DLC1: variants seen among roughly 807,000 people sequenced by gnomAD.
The protein encoded by DLC1 is DLC1 Rho GTPase activating protein, also known as rho GTPase-activating protein 7.
Under a neutral mutation model 140.3 loss-of-function variants are expected in DLC1, and 54 were observed. That is an observed-to-expected ratio of 0.38 (90% CI 0.31 to 0.48). DLC1 has a LOEUF of 0.48. DLC1 is among the 20% of genes least tolerant of loss of function. DLC1 has a pLI of 0.96. For synonymous variants in DLC1, 986 were observed against 728.1 expected (o/e 1.35, Z -5.70); for missense variants, 2,536 against 1,907.0 (o/e 1.33, Z -6.14).
chr8:13,508,221 T>C (rs1373947484), intron 1 of DLC1, among the ~76,000 whole-genome samples: 2 of 152,308 alleles, frequency 1.3e-5, no homozygotes, highest in East Asian at 1.9e-4. Flanking sequence ...CCACCCACTT[T>C]ATGGCTCAAG....
At chr8:13,109,344 C>T (rs1819868730) in intron 7 of DLC1, among the ~76,000 whole-genome samples, 1 of 151,402 alleles carries the variant, frequency 6.6e-6, no homozygotes, top group African/African-American at 2.4e-5. Context: ...ACTGCTTGAG[C>T]CCAGGAGTTC....
intron 1 of DLC1, among the ~76,000 whole-genome samples, chr8:13,582,377 G>A (rs562342661): frequency 8.7e-4 from 133 of 152,310 alleles, no homozygotes; most frequent in African/African-American, 3.0e-3. Context: ...GTGTGTCTGT[G>A]AGGGTGTTGC....
At chr8:13,328,059 G>A (rs1729095) in intron 4 of DLC1, among the ~76,000 whole-genome samples, 128,672 of 152,214 alleles carry the variant, frequency 0.85, 54,997 homozygotes, top group East Asian at 0.95. Context: ...AATCTGGTGA[G>A]TGATGGAAAA....
chr8:13,446,254 T>G (rs941412276), intron 2 of DLC1, among the ~76,000 whole-genome samples: 3 of 152,222 alleles, frequency 2.0e-5, no homozygotes, highest in African/African-American at 7.2e-5. Context: ...GGAAAGTATA[T>G]GATATAATGT....
intron 2 of DLC1, among the ~76,000 whole-genome samples, chr8:13,419,246 A>C (rs1442627431): frequency 2.0e-5 from 3 of 151,852 alleles, no homozygotes; most frequent in Non-Finnish European, 4.4e-5. Flanking sequence ...AACTTCTAAC[A>C]CTATGTTGAA....
chr8:13,238,929 G>C lies in DLC1; in HGVS notation c.1348+66340C>G, dbSNP rs566995908. ...GTGCACTGACTCTGCCAGATGGTGT[G>C]GGGGGTGTAGGGGGAAAGTGCACAG... On this transcript the variant is annotated intron_variant, in intron 5 of 17. Transcript: ENST00000276297. Among the ~76,000 whole-genome samples, 43 of 152,306 alleles carry C rather than the reference G, an allele frequency of 2.8e-4. 1 individual carries two copies. Among genetic ancestry groups the C allele is most frequent in the African/African-American group, 9.9e-4 (41 of 41,564 alleles).
intron 5 of DLC1, among the ~76,000 whole-genome samples, chr8:13,120,356 A>AAAAAATATATATATATATATAT: frequency 4.9e-5 from 3 of 61,124 alleles, no homozygotes; most frequent in East Asian, 7.2e-4. Context: ...AAAAAAAAAA[A>AAAAAATATATATATATATATAT]ATATATATAT....
intron 1 of DLC1, among the ~76,000 whole-genome samples, chr8:13,522,113 G>C (rs9325658): frequency 0.078 from 11,878 of 152,130 alleles, 858 homozygotes; most frequent in African/African-American, 0.19. Flanking sequence ...ACTTCCACCC[G>C]CTCCAAAAGG....
intron 5 of DLC1, among the ~76,000 whole-genome samples, chr8:13,192,095 T>C (rs1826790049): frequency 6.6e-6 from 1 of 151,832 alleles, no homozygotes; most frequent in East Asian, 1.9e-4. Flanking sequence ...TACAGGCACA[T>C]GCCACCGTGC....
intron 4 of DLC1, among the ~76,000 whole-genome samples, chr8:13,374,250 G>C (rs746670014): frequency 2.0e-5 from 3 of 152,124 alleles, no homozygotes. Flanking sequence ...TCCAAGCTTC[G>C]ACTTATCTTC....
chr8:13,579,404 A>C (rs1243661788), intron 1 of DLC1, among the ~76,000 whole-genome samples: 1 of 58,734 alleles, frequency 1.7e-5, no homozygotes, highest in Non-Finnish European at 3.2e-5. Context: ...TTATATATTT[A>C]ATATATTATA....
At chr8:13,154,867 T>C (rs12543486) in intron 5 of DLC1, among the ~76,000 whole-genome samples, 28,810 of 152,156 alleles carry the variant, frequency 0.19, 3,009 homozygotes, top group East Asian at 0.35. Context: ...GCTATTAAAA[T>C]TTTGATAGGT....
chr8:13,581,110 A>G (rs1805080623), intron 1 of DLC1, among the ~76,000 whole-genome samples: 1 of 152,154 alleles, frequency 6.6e-6, no homozygotes, highest in Non-Finnish European at 1.5e-5. Flanking sequence ...TAATCTCTCA[A>G]CTCTTTGCAA....
intron 1 of DLC1, among the ~76,000 whole-genome samples, chr8:13,593,631 C>T (rs1805591407): frequency 6.6e-6 from 1 of 151,954 alleles, no homozygotes; most frequent in South Asian, 2.1e-4. Context: ...AGAGATTGTT[C>T]ATTATTAGAG....
At position 13,362,094 on chromosome 8, in the gene DLC1, G is replaced by A. The variant is rs79421938; in HGVS notation, c.1314+31459C>T. Among the ~76,000 whole-genome samples the A allele has an allele frequency of 9.4e-3, 1,437 of 152,362 alleles. 10 individuals carry two copies. Among genetic ancestry groups the A allele is most frequent in the Middle Eastern group, 0.024 (7 of 294 alleles). ...TTTCCAGCCTCAGGCTCTGAAGGAG[G>A]AAAGTGGGAGCAGTGGCTTAATTGG... is the stretch of plus-strand genomic sequence containing the variant. On this transcript the variant is annotated intron_variant, in intron 4 of 17. Transcript: ENST00000276297.
intron 5 of DLC1, among the ~76,000 whole-genome samples, chr8:13,291,342 G>A (rs1156465998): frequency 6.6e-6 from 1 of 152,190 alleles, no homozygotes; most frequent in Non-Finnish European, 1.5e-5. Flanking sequence ...ATCATGTTTG[G>A]ATAGTAAATA....
chr8:13,219,500 A>G (rs188152499), intron 5 of DLC1, among the ~76,000 whole-genome samples: 1 of 149,310 alleles, frequency 6.7e-6, no homozygotes, highest in Admixed American at 6.7e-5. Context: ...TATTTAACTT[A>G]CTAAGAAACT....
chr8:13,156,586 C>A (rs995295175), intron 5 of DLC1, among the ~76,000 whole-genome samples: 1 of 152,218 alleles, frequency 6.6e-6, no homozygotes, highest in Non-Finnish European at 1.5e-5. Context: ...CACTTCCCAT[C>A]CCTTCCTTCC....
At chr8:13,128,127 G>A (rs1821743613) in intron 5 of DLC1, among the ~76,000 whole-genome samples, 1 of 151,892 alleles carries the variant, frequency 6.6e-6, no homozygotes, top group Non-Finnish European at 1.5e-5. Context: ...CTGTGTCTTG[G>A]CTTCACTTTA....
Sources: allele counts gnomAD v4.1 joint callset (sites outside exome capture counted in the v4.1 genomes callset), GRCh38; gene constraint gnomAD v4.1.1; transcripts MANE v1.5; gene names NCBI Gene and HGNC (gene_info 2026-07-23, HGNC 2026-07-21).